Variants in PNPLA1 observed in about 807,000 individuals in gnomAD.
The protein encoded by PNPLA1 is patatin like domain 1, omega-hydroxyceramide transacylase.
A neutral mutation model predicts 51.7 loss-of-function variants in PNPLA1; 36 were observed. The observed-to-expected ratio is 0.70, with a 90% CI of 0.53 to 0.92. The LOEUF (loss-of-function observed/expected upper bound fraction) is 0.92. Ranked by LOEUF, PNPLA1 falls within the 40% of genes least tolerant of loss-of-function variation. PNPLA1 has a pLI of 0.00. For missense variants in PNPLA1, 658 were observed against 682.5 expected (o/e 0.96, Z 0.40); for synonymous variants, 293 against 280.1 (o/e 1.05, Z -0.46).
intron 6 of PNPLA1, among the ~76,000 whole-genome samples, chr6:36,302,704 A>G (rs1248831397): frequency 6.6e-6 from 1 of 152,224 alleles, no homozygotes; most frequent in Admixed American, 6.5e-5. Context: ...TACCGGCAGC[A>G]AAAGCATCAC....
chr6:36,252,758 G>A (rs1178560002), intron 1 of PNPLA1, among the ~76,000 whole-genome samples: 2 of 152,122 alleles, frequency 1.3e-5, no homozygotes, highest in Non-Finnish European at 2.9e-5. Flanking sequence ...TAGAAGAGAC[G>A]GTAATGTCTA....
At chr6:36,266,448 G>A (rs1769762723), upstream of PNPLA1, among the ~76,000 whole-genome samples, 2 of 152,320 alleles carry the variant, frequency 1.3e-5, no homozygotes, top group Admixed American at 1.3e-4. Context: ...TCTCTGTCAG[G>A]AAGAAAATGG....
chr6:36,265,455 A>G (rs1483804590), upstream of PNPLA1, among the ~76,000 whole-genome samples: 2 of 152,240 alleles, frequency 1.3e-5, no homozygotes, highest in Admixed American at 6.5e-5. Context: ...ATTTCTAAAA[A>G]TATATACAAA....
chr6:36,243,209 T>C (rs926653709), exon 1 of PNPLA1: 1 of 152,188 alleles, frequency 6.6e-6, no homozygotes, highest in Non-Finnish European at 1.5e-5. Context: ...TGGAGGGCAG[T>C]CCACAATGGA....
chr6:36,294,067 C>CT lies in PNPLA1; in HGVS notation c.505-121dup. ...CGTCTCCAGGCTTATCCTGAGGGGT[C>CT]TTCTGGATCTTCCTTGATGGGCCCT... On this transcript the variant is annotated intron_variant, in intron 3 of 8. Transcript: ENST00000636260. This position sits in a 1 kb window ranked among gnomAD's most constrained non-coding sequence, Gnocchi z 4.2. 1.7e-6 allele frequency: 2 copies of CT among 1,167,592 alleles called. No homozygotes were observed. The highest frequency in any genetic ancestry group is 2.4e-6 in the Non-Finnish European group (2 of 825,348). 72.3% of individuals were successfully genotyped at this position (1,167,592 alleles called of 1,614,324 possible).
intron 1 of PNPLA1, among the ~76,000 whole-genome samples, chr6:36,275,297 T>C (rs185463735): frequency 4.9e-4 from 75 of 152,294 alleles, no homozygotes; most frequent in African/African-American, 1.7e-3. Context: ...CCCAGGCTGG[T>C]CTTGAACTCC....
At chr6:36,245,596 G>A (rs1167348265) in intron 1 of PNPLA1, among the ~76,000 whole-genome samples, 1 of 152,254 alleles carries the variant, frequency 6.6e-6, no homozygotes, top group Non-Finnish European at 1.5e-5. Context: ...ACTGCTGCAG[G>A]GAGGGGTGGG....
At chr6:36,247,080 C>A (rs1198059607) in intron 1 of PNPLA1, among the ~76,000 whole-genome samples, 1 of 152,122 alleles carries the variant, frequency 6.6e-6, no homozygotes, top group Non-Finnish European at 1.5e-5. Context: ...GGTGCCCTGG[C>A]CTCCCAGTTC....
intron 1 of PNPLA1, among the ~76,000 whole-genome samples, chr6:36,256,326 GAA>G (rs34152288): frequency 7.1e-6 from 1 of 140,184 alleles, no homozygotes; most frequent in African/African-American, 2.6e-5. Flanking sequence ...ACCTGTCTTA[GAA>G]AAAAAAAAAA....
intron 2 of PNPLA1, 69 bp from the exon 3 acceptor site, chr6:36,292,992 G>C: frequency 7.2e-7 from 1 of 1,398,060 alleles, no homozygotes. Flanking sequence ...TGGCCCAGGG[G>C]CTGACAGGTG....
chr6:36,273,330 C>A (rs918988114), intron 1 of PNPLA1, among the ~76,000 whole-genome samples: 4 of 152,032 alleles, frequency 2.6e-5, no homozygotes, highest in African/African-American at 7.2e-5. Context: ...CCTAATCCCC[C>A]ACTCCCTCCT....
chr6:36,259,398 GA>G (rs551308303), intron 1 of PNPLA1, among the ~76,000 whole-genome samples: 5 of 151,492 alleles, frequency 3.3e-5, no homozygotes, highest in East Asian at 3.9e-4. Context: ...TGTGTTTAAA[GA>G]AAAAAAATAC....
chr6:36,313,936 C>T lies in PNPLA1; in HGVS notation c.*2050C>T, dbSNP rs1000577295. Among the ~76,000 whole-genome samples the T allele has an allele frequency of 6.6e-6, 1 of 152,224 alleles. No individual in the cohort carries two copies. Among genetic ancestry groups the T allele is most frequent in the Non-Finnish European group, 1.5e-5 (1 of 68,044 alleles). ...AATTATGTTAAACTATTAATACATC[C>T]TCTTGCATACTTCCCTTCACTTGGT... On this transcript the variant is annotated 3_prime_UTR_variant, in exon 9 of 9. Coordinates refer to ENST00000636260, the MANE Select transcript of PNPLA1 (RefSeq NM_001374623.1).
intron 1 of PNPLA1, among the ~76,000 whole-genome samples, chr6:36,244,921 G>A (rs943869570): frequency 6.6e-6 from 1 of 152,200 alleles, no homozygotes; most frequent in African/African-American, 2.4e-5. Context: ...CTTAAGCCCC[G>A]AACTCCAGGG....
chr6:36,307,123 T>A (rs987066900), intron 7 of PNPLA1, among the ~76,000 whole-genome samples: 6 of 152,116 alleles, frequency 3.9e-5, no homozygotes, highest in Admixed American at 2.6e-4. Flanking sequence ...ACTCTGGCAG[T>A]AGCTGGGTTT....
chr6:36,288,335 T>G (rs552717884), intron 1 of PNPLA1, among the ~76,000 whole-genome samples: 1 of 152,238 alleles, frequency 6.6e-6, no homozygotes, highest in East Asian at 1.9e-4. Context: ...GATTATAGGC[T>G]GGGTGCAGTG....
At chr6:36,307,470 C>T in intron 7 of PNPLA1, 117 bp from the exon 8 acceptor site, 4 of 1,186,834 alleles carry the variant, frequency 3.4e-6, no homozygotes, top group Middle Eastern at 2.4e-4. Context: ...ATCCAATCCT[C>T]AGCCAGGGTT....
intron 5 of PNPLA1, 47 bp from the exon 6 acceptor site, chr6:36,301,814 T>TG: frequency 4.4e-6 from 7 of 1,575,176 alleles, no homozygotes; most frequent in Non-Finnish European, 6.0e-6. Flanking sequence ...GCAAAGGCCA[T>TG]GCTGCTGCCA....
intron 4 of PNPLA1, 37 bp from the exon 5 acceptor site, chr6:36,295,327 G>A (rs369161941): frequency 2.0e-5 from 33 of 1,611,336 alleles, no homozygotes; most frequent in African/African-American, 1.3e-4. Flanking sequence ...CTTCCTCCCC[G>A]CAGCCTTGGT....
Sources: allele counts gnomAD v4.1 joint callset (sites outside exome capture counted in the v4.1 genomes callset), GRCh38; gene constraint gnomAD v4.1.1; non-coding constraint Gnocchi (gnomAD v3.1); transcripts MANE v1.5; gene names NCBI Gene and HGNC (gene_info 2026-07-23, HGNC 2026-07-21).